The following ZNF536 variants were observed in gnomAD, a reference collection of about 807,000 sequenced individuals.
ZNF536 encodes the protein zinc finger protein 536.
A neutral mutation model predicts 84.5 loss-of-function variants in ZNF536; 13 were observed. The ratio of observed to expected loss-of-function variants is 0.15; its 90% CI spans 0.10 to 0.24. The LOEUF (loss-of-function observed/expected upper bound fraction) is 0.24. Among genes scored for constraint, ZNF536 ranks in the 10% least tolerant of loss-of-function variants. ZNF536 has a pLI of 1.00. For missense variants in ZNF536, 1,536 were observed against 1,747.5 expected (o/e 0.88, Z 2.16); for synonymous variants, 811 against 742.5 (o/e 1.09, Z -1.50).
At position 30,542,358 on chromosome 19, in the gene ZNF536, G is replaced by A. The variant is rs149542975; in HGVS notation, c.2324-5585G>A. The stretch of plus-strand genomic sequence containing the variant: ...CGTGAACTAATTAAACCACCTGGTC[G>A]TATATTTCTAGAAATTGATGATACA... On this transcript the variant is annotated intron_variant, in intron 3 of 4. Coordinates refer to ENST00000355537, the MANE Select transcript of ZNF536 (RefSeq NM_014717.3). 3.6e-3 allele frequency among the ~76,000 whole-genome samples: 550 copies of A among 152,248 alleles called. 1 individual carries two copies. Among genetic ancestry groups the A allele is most frequent in the Non-Finnish European group, 5.8e-3 (392 of 68,014 alleles).
chr19:30,594,520 T>C (rs1424025908), intron 1 of ZNF536, among the ~76,000 whole-genome samples: 2 of 152,192 alleles, frequency 1.3e-5, no homozygotes, highest in African/African-American at 4.8e-5. Flanking sequence ...CTTTTTTGCA[T>C]AACTGGTAAC....
intron 2 of ZNF536, among the ~76,000 whole-genome samples, chr19:30,338,027 T>C (rs2047437789): frequency 2.0e-5 from 3 of 148,982 alleles, no homozygotes. Flanking sequence ...GGTGGTGGAT[T>C]ATGATGACAG....
intron 1 of ZNF536, among the ~76,000 whole-genome samples, chr19:30,280,747 C>T (rs2145625695): frequency 6.6e-6 from 1 of 152,364 alleles, no homozygotes; most frequent in East Asian, 1.9e-4. Flanking sequence ...GCCCATGGGT[C>T]TGAGTCGGGC....
chr19:30,595,773 G>C (rs1008749362), intron 1 of ZNF536, among the ~76,000 whole-genome samples: 1 of 152,174 alleles, frequency 6.6e-6, no homozygotes. Context: ...GCCTTTCCCT[G>C]ACTTCCTGGA....
rs145300837 is a variant in ZNF536 at position 30,323,210 on chromosome 19, G to A, written c.-119-29158G>A. Among the ~76,000 whole-genome samples the A allele has an allele frequency of 6.7e-3, 1,016 of 152,274 alleles. 7 individuals carry two copies. Among genetic ancestry groups the A allele is most frequent in the African/African-American group, 0.022 (934 of 41,540 alleles). ...TCCAAACCTCCAATGCCTGCTGAAC[G>A]TGAAGGCAAACTCTCGGCTCCACTC... On this transcript the variant is annotated intron_variant, in intron 2 of 5. Coordinates refer to the ZNF536 transcript ENST00000585628.
At chr19:30,314,685 T>A (rs1008093491) in intron 2 of ZNF536, among the ~76,000 whole-genome samples, 7 of 152,124 alleles carry the variant, frequency 4.6e-5, no homozygotes, top group African/African-American at 1.4e-4. Context: ...GGGAGGTCCC[T>A]TCTCTCCCTC....
At chr19:30,383,236 G>T (rs1192882447) in intron 1 of ZNF536, among the ~76,000 whole-genome samples, 1 of 152,202 alleles carries the variant, frequency 6.6e-6, no homozygotes, top group African/African-American at 2.4e-5. Flanking sequence ...GTTGCAGTGA[G>T]CTGAGACCAT....
chr19:30,572,123 C>T (rs2046569243), intron 1 of ZNF536, among the ~76,000 whole-genome samples: 1 of 152,106 alleles, frequency 6.6e-6, no homozygotes, highest in African/African-American at 2.4e-5. Context: ...GTCATGGTAG[C>T]CCATGCCTTT....
At chr19:30,564,791 C>T (rs1483428244) in intron 1 of ZNF536, among the ~76,000 whole-genome samples, 1 of 152,210 alleles carries the variant, frequency 6.6e-6, no homozygotes, top group African/African-American at 2.4e-5. Context: ...GTGTTTTATG[C>T]TCTTTTCCCT....
intron 1 of ZNF536, among the ~76,000 whole-genome samples, chr19:30,270,750 G>GT (rs34762536): frequency 0.014 from 2,031 of 141,638 alleles, 23 homozygotes; most frequent in African/African-American, 0.026. Flanking sequence ...AAAAATGCAG[G>GT]TTTTTTTTTT....
At chr19:30,561,626 A>G (rs946611846), downstream of ZNF536, among the ~76,000 whole-genome samples, 2 of 152,160 alleles carry the variant, frequency 1.3e-5, no homozygotes, top group Non-Finnish European at 2.9e-5. Context: ...GTACTGCAGG[A>G]CCATGGGGGC....
intron 1 of ZNF536, among the ~76,000 whole-genome samples, chr19:30,674,703 G>A (rs911912864): frequency 2.0e-5 from 3 of 152,134 alleles, no homozygotes; most frequent in Non-Finnish European, 2.9e-5. Flanking sequence ...ATATGAACTC[G>A]GAGGCACTTT....
rs1208316729 is a variant in ZNF536 at position 30,706,954 on chromosome 19, A to G, written c.170-3803A>G. ...TTTCCCGGTGTCTTGCTCCTTCTTT[A>G]TGTTGTTTGGGATGACCTTCAATTG... On this transcript the variant is annotated intron_variant, in intron 1 of 1. Coordinates refer to the ZNF536 transcript ENST00000592773. Among the ~76,000 whole-genome samples, 2 of 152,106 alleles carry G rather than the reference A, an allele frequency of 1.3e-5. 1 individual carries two copies. Among genetic ancestry groups the G allele is most frequent in the South Asian group, 4.1e-4 (2 of 4,832 alleles).
rs140132168 is a variant in ZNF536, at chr19:30,316,097, G to C, written c.-120+31956G>C. Among the ~76,000 whole-genome samples, 4 of 152,206 alleles carry C rather than the reference G, an allele frequency of 2.6e-5. No homozygotes were observed. The East Asian group carries it at 7.7e-4, about 29-fold the overall frequency. On this transcript the variant is annotated intron_variant, in intron 2 of 5. Transcript: ENST00000585628. ...AATGCTGCAGTAAACACTGTATCAC[G>C]GTAAACAAGTTTGGGTATTTCTGTA...
intron 1 of ZNF536, among the ~76,000 whole-genome samples, chr19:30,260,172 G>A (rs1182418359): frequency 6.6e-6 from 1 of 152,206 alleles, no homozygotes; most frequent in African/African-American, 2.4e-5. Flanking sequence ...TGACTCCGAT[G>A]TCTAAAATGT....
At chr19:30,528,329 G>A (rs1415681161) in intron 2 of ZNF536, among the ~76,000 whole-genome samples, 2 of 152,128 alleles carry the variant, frequency 1.3e-5, no homozygotes, top group African/African-American at 4.8e-5. Flanking sequence ...GAATCCACAT[G>A]CAATATAAGA....
At position 30,598,684 on chromosome 19, in the gene ZNF536, C is replaced by T. The variant is rs1220569276; in HGVS notation, c.169+49170C>T. On this transcript the variant is annotated intron_variant, in intron 1 of 1. Coordinates refer to the ZNF536 transcript ENST00000592773. The stretch of plus-strand genomic sequence containing the variant: ...GATCTGGATAAACATGGTGATTTTA[C>T]CCCATGGAACATTATTTTCTATGAT... Among the ~76,000 whole-genome samples the T allele has an allele frequency of 2.6e-5, 4 of 152,148 alleles. No homozygotes were observed. In the East Asian group the frequency reaches 5.8e-4, roughly 22 times the overall value.
At chr19:30,274,658 T>C (rs1434043162) in intron 1 of ZNF536, among the ~76,000 whole-genome samples, 1 of 152,170 alleles carries the variant, frequency 6.6e-6, no homozygotes, top group East Asian at 1.9e-4. Flanking sequence ...GCTTGTTACA[T>C]GGGTAAGTTG....
In ZNF536 at chr19:30,524,362, C is replaced by T. The variant is rs192694438; in HGVS notation, c.2171-10485C>T. Among the ~76,000 whole-genome samples the T allele has an allele frequency of 6.6e-5, 10 of 152,286 alleles. No individual in the cohort carries two copies. The East Asian group carries it at 1.5e-3, about 24-fold the overall frequency. Reference sequence around the variant, plus strand: ...TAGATGACTTTTACAATAATTGGAACGGCTATATTAAAAGCTGGGATCACT... The same window carrying T: ...TAGATGACTTTTACAATAATTGGAATGGCTATATTAAAAGCTGGGATCACT... On this transcript the variant is annotated intron_variant, in intron 2 of 4. Transcript: ENST00000355537.
Sources: gnomAD v4.1 joint callset for allele counts (sites outside exome capture counted in the v4.1 genomes callset) on GRCh38, gnomAD v4.1.1 for gene constraint, MANE v1.5 for transcripts, NCBI Gene and HGNC (gene_info 2026-07-23, HGNC 2026-07-21) for gene names.